Variants in CLIC5 observed in about 807,000 individuals in gnomAD.
The protein encoded by CLIC5 is chloride intracellular channel protein 5.
A neutral mutation model predicts 24.7 loss-of-function variants in CLIC5; 20 were observed. The observed-to-expected ratio is 0.81, with a 90% CI of 0.57 to 1.18. The LOEUF is 1.18. CLIC5 is among the 50% of genes most tolerant of loss of function. CLIC5 has a pLI of 0.00. For synonymous variants in CLIC5, 159 were observed against 135.6 expected, an observed-to-expected ratio of 1.17 and a Z score of -1.20; for missense variants, 341 against 326.1, an observed-to-expected ratio of 1.05 and a Z score of -0.35.
At chr6:45,947,384 G>C (rs1467227988) in intron 3 of CLIC5, among the ~76,000 whole-genome samples, 3 of 151,948 alleles carry the variant, frequency 2.0e-5, no homozygotes, top group Admixed American at 6.5e-5. Context: ...CTGAGTCCTA[G>C]AGCAGAGAAG....
At chr6:45,939,759 G>C (rs1467056311) in intron 4 of CLIC5, among the ~76,000 whole-genome samples, 1 of 152,058 alleles carries the variant, frequency 6.6e-6, no homozygotes, top group Non-Finnish European at 1.5e-5. Context: ...TCTTGTCATG[G>C]CTTCCTGAAT....
At chr6:46,016,184 AGGAAGGGGAAAGG>A (rs1391788706), upstream of CLIC5, among the ~76,000 whole-genome samples, 9 of 75,566 alleles carry the variant, frequency 1.2e-4, no homozygotes, top group African/African-American at 5.1e-4. Flanking sequence ...GAAGGGGAAG[AGGAAGGGGAAAGG>A]GGAAGGGGAA....
chr6:46,059,646 T>C (rs9296477), intron 1 of CLIC5, among the ~76,000 whole-genome samples: 24,871 of 152,198 alleles, frequency 0.16, 2,342 homozygotes, highest in African/African-American at 0.25. Context: ...AAGTGGGCAT[T>C]AATGTCCCAT....
At chr6:46,086,418 T>C in the CLIC5 span, among the ~76,000 whole-genome samples, 3 of 152,180 alleles carry the variant, frequency 2.0e-5, no homozygotes, top group Non-Finnish European at 2.9e-5. Context: ...AAGTGATAGA[T>C]AAGTGGACAA....
chr6:46,092,055 C>T, the CLIC5 span, among the ~76,000 whole-genome samples: 442 of 152,264 alleles, frequency 2.9e-3, 3 homozygotes, highest in South Asian at 6.2e-3. Flanking sequence ...CCATTCTAGC[C>T]GGTGTGAGGT....
chr6:45,934,898 G>C (rs929553984), intron 4 of CLIC5, among the ~76,000 whole-genome samples: 4 of 152,140 alleles, frequency 2.6e-5, no homozygotes, highest in Non-Finnish European at 5.9e-5. Context: ...AATCAAAATA[G>C]AGCATTCAAG....
chr6:46,105,245 G>A, the CLIC5 span, among the ~76,000 whole-genome samples: 1 of 151,572 alleles, frequency 6.6e-6, no homozygotes, highest in Admixed American at 6.6e-5. Flanking sequence ...TTTGTTTTTT[G>A]TTTTTTTTAA....
intron 5 of CLIC5, among the ~76,000 whole-genome samples, chr6:45,904,768 G>T (rs908959148): frequency 6.7e-6 from 1 of 148,388 alleles, no homozygotes; most frequent in African/African-American, 2.5e-5. Context: ...GATACAAGGG[G>T]GTACATGTGC....
downstream of CLIC5, chr6:45,880,845 T>C (rs1375598179): frequency 3.3e-6 from 1 of 302,196 alleles, no homozygotes; most frequent in Admixed American, 5.0e-5. Flanking sequence ...GCAGAGTTAG[T>C]TTAATTGAAC....
intron 4 of CLIC5, among the ~76,000 whole-genome samples, chr6:45,918,443 A>C (rs1417056138): frequency 6.6e-6 from 1 of 152,220 alleles, no homozygotes; most frequent in Non-Finnish European, 1.5e-5. Flanking sequence ...TTTGCTGGCA[A>C]ACTCAGTGCA....
downstream of CLIC5, among the ~76,000 whole-genome samples, chr6:45,894,354 G>A (rs1349267637): frequency 6.6e-6 from 1 of 152,078 alleles, no homozygotes; most frequent in East Asian, 1.9e-4. Flanking sequence ...TCTATTCTAA[G>A]GGAAAAATAG....
chr6:46,052,306 C>G (rs1383232447), intron 1 of CLIC5, among the ~76,000 whole-genome samples: 1 of 152,144 alleles, frequency 6.6e-6, no homozygotes, highest in Non-Finnish European at 1.5e-5. Flanking sequence ...TATTTAGAAC[C>G]CTTTGCTCAT....
intron 1 of CLIC5, among the ~76,000 whole-genome samples, chr6:46,010,274 C>T (rs367984613): frequency 5.1e-4 from 78 of 152,278 alleles, no homozygotes; most frequent in Middle Eastern, 6.8e-3. Context: ...ATGGAGCCTA[C>T]AGAGAAAGAC....
intron 1 of CLIC5, among the ~76,000 whole-genome samples, chr6:46,064,282 A>T (rs559495503): frequency 3.3e-5 from 5 of 152,264 alleles, no homozygotes; most frequent in Admixed American, 6.5e-5. Context: ...AATTCACTGA[A>T]TTTGCAAGGG....
chr6:45,899,619 C>A lies in CLIC5; in HGVS notation c.*3469G>T, dbSNP rs1488933206. On this transcript the variant is annotated 3_prime_UTR_variant, in exon 6 of 6. Transcript: ENST00000339561. Reference sequence around the variant, plus strand: ...ACTCTCATATGGTCAAGATCTATTTCAGGCATGACCTATCTTATGACAGTT... The same window carrying A: ...ACTCTCATATGGTCAAGATCTATTTAAGGCATGACCTATCTTATGACAGTT... 6.6e-6 allele frequency: 1 copy of A among 152,294 alleles called. No individual in the cohort carries two copies. Among genetic ancestry groups the A allele is most frequent in the African/African-American group, 2.4e-5 (1 of 41,464 alleles). 9.4% of individuals were successfully genotyped at this position (152,294 alleles called of 1,614,324 possible).
chr6:45,976,192 C>T (rs4714898), intron 1 of CLIC5, among the ~76,000 whole-genome samples: 8 of 152,068 alleles, frequency 5.3e-5, no homozygotes, highest in Admixed American at 3.3e-4. Flanking sequence ...AATTATATTA[C>T]GTATACGGCA....
the CLIC5 span, among the ~76,000 whole-genome samples, chr6:46,088,976 C>T: frequency 1.3e-5 from 2 of 152,150 alleles, no homozygotes; most frequent in African/African-American, 2.4e-5. Context: ...CAGGGAAGGG[C>T]TCACTTAATG....
At chr6:46,048,664 C>T (rs568618344) in intron 1 of CLIC5, among the ~76,000 whole-genome samples, 4 of 152,254 alleles carry the variant, frequency 2.6e-5, no homozygotes, top group Admixed American at 6.5e-5. Flanking sequence ...AAACCTCAGC[C>T]CTGATCAGAG....
intron 1 of CLIC5, among the ~76,000 whole-genome samples, chr6:46,059,301 G>A (rs1349931262): frequency 6.6e-6 from 1 of 152,204 alleles, no homozygotes; most frequent in African/African-American, 2.4e-5. Context: ...ATTGCATACG[G>A]TTGTACACAA....
Sources: gnomAD v4.1 joint callset for allele counts (sites outside exome capture counted in the v4.1 genomes callset) on GRCh38, gnomAD v4.1.1 for gene constraint, MANE v1.5 for transcripts, NCBI Gene and HGNC (gene_info 2026-07-23, HGNC 2026-07-21) for gene names.